The following DNAH5 variants were observed in gnomAD, a reference collection of about 807,000 sequenced individuals.
The protein encoded by DNAH5 is dynein axonemal heavy chain 5.
DNAH5 carries 372 observed loss-of-function variants against 518.2 expected under a neutral mutation model. The ratio of observed to expected loss-of-function variants is 0.72; its 90% CI spans 0.66 to 0.78. The LOEUF (loss-of-function observed/expected upper bound fraction) is 0.78, where lower values mean the gene tolerates loss of function less well. DNAH5 is among the 30% of genes least tolerant of loss of function. The pLI, the probability that DNAH5 is intolerant of heterozygous loss-of-function variation, is 0.00. For missense variants in DNAH5, 5,523 were observed against 5,687.0 expected, an observed-to-expected ratio of 0.97 and a Z score of 0.93; for synonymous variants, 2,039 against 2,025.9, an observed-to-expected ratio of 1.01 and a Z score of -0.17.
chr5:13,931,791 C>CCTTATA (rs1237620893), intron 1 of DNAH5, among the ~76,000 whole-genome samples: 1 of 152,170 alleles, frequency 6.6e-6, no homozygotes, highest in Admixed American at 6.5e-5. Context: ...GCATGTCTTT[C>CCTTATA]CTTATACTGT....
Position 13,770,832 on chromosome 5 carries a change from C to T in DNAH5, c.9522G>A (p.Thr3174=), listed in dbSNP as rs35233147. The T allele has an allele frequency of 4.8e-3, 7,706 of 1,613,966 alleles. 253 individuals are homozygous for T. In the African/African-American group the frequency reaches 0.082, roughly 17 times the overall value. Residue 3174 remains threonine (T), a synonymous_variant, in exon 56 of 79, where the codon ACG becomes ACA. Transcript: ENST00000265104. ...FQRFRRSTHV[T]PKSYLSFIQG... Reference sequence around the variant, plus strand: ...GAATAAAGGAGAGGTATGATTTGGGCGTCACGTGGGTAGAACGTCGGAATC... The same window carrying T: ...GAATAAAGGAGAGGTATGATTTGGGTGTCACGTGGGTAGAACGTCGGAATC...
In DNAH5 at chr5:13,754,217, G is replaced by A; in HGVS notation, c.10541C>T (p.Thr3514Ile). 6.2e-7 allele frequency: 1 copy of A among 1,613,980 alleles called. No homozygotes were observed. Among genetic ancestry groups the A allele is most frequent in the Non-Finnish European group, 8.5e-7 (1 of 1,179,946 alleles). ...AATTTACATACCTACAAGTCTTTTA[G>A]TTTGTGCAGCAAACTCTTGGCTTTG... ...TEQSQEFAAQTKRLVGDVLLA... is the reference protein window; with the variant it reads ...TEQSQEFAAQIKRLVGDVLLA... The change falls in exon 62 of 79, where the codon ACT becomes ATT. Residue 3514 changes from threonine to isoleucine, a missense_variant. This residue lies in a region of DNAH5 where 5,121 missense variants were observed against 5,223.3 expected (regional missense o/e 0.98). Transcript: ENST00000265104.
intron 55 of DNAH5, among the ~76,000 whole-genome samples, chr5:13,772,254 C>T (rs937187832): frequency 1.3e-5 from 2 of 152,114 alleles, no homozygotes; most frequent in African/African-American, 2.4e-5. Flanking sequence ...GGGAAGTGCC[C>T]GCTTTCTGAA....
intron 47 of DNAH5, among the ~76,000 whole-genome samples, chr5:13,795,242 G>T (rs1757646689): frequency 6.6e-6 from 1 of 151,944 alleles, no homozygotes; most frequent in Admixed American, 6.6e-5. Context: ...AAACCCTTCA[G>T]AAATCAATGA....
At chr5:13,863,336 A>T (rs1173475201) in intron 28 of DNAH5, among the ~76,000 whole-genome samples, 1 of 152,108 alleles carries the variant, frequency 6.6e-6, no homozygotes, top group Non-Finnish European at 1.5e-5. Context: ...CCATTTGCCT[A>T]CTGAACTTCC....
Position 13,883,209 on chromosome 5 carries a change from T to C in DNAH5, c.2984-115A>G. ...TAATAGGTATAAAATCTAATAAATA[T>C]TTGTTGAATGAATGAGTCAATTAAA... is the stretch of plus-strand genomic sequence containing the variant. On this transcript the variant is annotated intron_variant, in intron 19 of 78. Transcript: ENST00000265104. The C allele has an allele frequency of 1.6e-5, 18 of 1,120,710 alleles. No homozygotes were observed. The South Asian group carries it at 2.3e-4, about 14-fold the overall frequency. The allele number at this position is 1,120,710 out of a possible 1,614,324, so 69.4% of individuals were successfully genotyped here.
rs1326803832 is a variant in DNAH5 at position 13,866,236 on chromosome 5, C to G, written c.4100G>C (p.Arg1367Thr). ...SGLKPQEASD[R>T]LIMFQNQFDN... Reference sequence around the variant, plus strand: ...AAAGATTACCTGAAACATGATAAGCCTGTCACTGGCTTCCTGGGGCTTCAA... The same window carrying G: ...AAAGATTACCTGAAACATGATAAGCGTGTCACTGGCTTCCTGGGGCTTCAA... The change falls in exon 26 of 79, where the codon AGG becomes ACG. Residue 1367 changes from arginine (R) to threonine (T), a missense_variant. Arg to Thr is a moderately conservative substitution (Grantham distance 71). Coordinates refer to ENST00000265104, the MANE Select transcript of DNAH5 (RefSeq NM_001369.3). The G allele has an allele frequency of 6.2e-7, 1 of 1,613,536 alleles. No homozygotes were observed. Among genetic ancestry groups the G allele is most frequent in the African/African-American group, 1.3e-5 (1 of 74,914 alleles).
intron 76 of DNAH5, among the ~76,000 whole-genome samples, chr5:13,706,785 AG>A (rs1196765380): frequency 6.6e-6 from 1 of 152,232 alleles, no homozygotes; most frequent in Non-Finnish European, 1.5e-5. Flanking sequence ...ACAAGTAACC[AG>A]TGAGCATGCT....
chr5:13,877,752 A>G (rs934526741), intron 21 of DNAH5, among the ~76,000 whole-genome samples: 1 of 152,348 alleles, frequency 6.6e-6, no homozygotes, highest in East Asian at 1.9e-4. Context: ...TGGACCTCAC[A>G]TGTATCACCA....
intron 56 of DNAH5, 130 bp downstream of exon 56, chr5:13,770,619 C>T: frequency 1.2e-6 from 1 of 805,798 alleles, no homozygotes; most frequent in Non-Finnish European, 2.1e-6. Context: ...AGTACCCCTT[C>T]CCTGCCCTGC....
At chr5:13,908,746 A>G (rs1011696308) in intron 12 of DNAH5, among the ~76,000 whole-genome samples, 12 of 152,134 alleles carry the variant, frequency 7.9e-5, no homozygotes, top group African/African-American at 2.9e-4. Flanking sequence ...ACCTGTTAGT[A>G]CCAGCACGAA....
intron 27 of DNAH5, among the ~76,000 whole-genome samples, 189 bp downstream of exon 27, chr5:13,865,478 GC>G (rs775256713): frequency 6.6e-6 from 1 of 152,188 alleles, no homozygotes; most frequent in Non-Finnish European, 1.5e-5. Context: ...GACAGAATGT[GC>G]TTGTCTCATT....
chr5:13,947,227 T>C (rs1211283411), upstream of DNAH5, among the ~76,000 whole-genome samples: 1 of 152,214 alleles, frequency 6.6e-6, no homozygotes, highest in African/African-American at 2.4e-5. Flanking sequence ...TTCTGAATTG[T>C]TACCTTTACG....
chr5:13,845,620 G>A (rs1428937171), intron 31 of DNAH5, among the ~76,000 whole-genome samples: 1 of 152,040 alleles, frequency 6.6e-6, no homozygotes, highest in Non-Finnish European at 1.5e-5. Context: ...TTTGCTTTCT[G>A]TTATGGTCAT....
chr5:13,874,101 G>A lies in DNAH5; in HGVS notation c.3397-2336C>T, dbSNP rs1220102310. Among the ~76,000 whole-genome samples, 12 of 152,282 alleles carry A rather than the reference G, an allele frequency of 7.9e-5. No homozygotes were observed. The South Asian group carries it at 2.5e-3, about 32-fold the overall frequency. ...GATACTTCCCATCCATTAAAATGCA[G>A]AAAGCTAAACCTATCACTGCCTATC... On this transcript the variant is annotated intron_variant, in intron 22 of 78. Coordinates refer to ENST00000265104, the MANE Select transcript of DNAH5 (RefSeq NM_001369.3).
intron 1 of DNAH5, among the ~76,000 whole-genome samples, chr5:13,996,360 C>G (rs180962160): frequency 6.4e-4 from 97 of 152,300 alleles, no homozygotes; most frequent in Non-Finnish European, 1.2e-3. Context: ...TACATTCATT[C>G]CATCCCAATA....
intron 1 of DNAH5, among the ~76,000 whole-genome samples, chr5:13,989,019 A>G (rs987522472): frequency 6.6e-6 from 1 of 151,992 alleles, no homozygotes; most frequent in Non-Finnish European, 1.5e-5. Context: ...AAGCCACCGC[A>G]CCTGGCCCAA....
rs1326900384 is a variant in DNAH5, at chr5:13,752,157, T to C, written c.11005A>G (p.Ile3669Val). 4 of 1,613,870 alleles carry C rather than the reference T, an allele frequency of 2.5e-6. No homozygotes were observed. The highest frequency in any genetic ancestry group is 1.1e-5 in the South Asian group (1 of 91,084). ...ALDNVLERNF[I>V]KTGSTFKVKV... ...ACCTTAAAGGTAGACCCAGTTTTAA[T>C]GAAGTTTCTTTCCAAAACATTATCT... Residue 3669 changes from isoleucine to valine, a missense_variant, in exon 64 of 79, where the codon ATT becomes GTT. Ile to Val is a conservative substitution (Grantham distance 29). Around this residue, in one of 3 missense-constraint regions of DNAH5, gnomAD observed 5,121 missense variants for 5,223.3 expected, o/e 0.98. Coordinates refer to ENST00000265104, the MANE Select transcript of DNAH5 (RefSeq NM_001369.3).
intron 2 of DNAH5, 150 bp from the exon 3 acceptor site, chr5:13,928,328 C>G: frequency 1.6e-6 from 1 of 623,138 alleles, no homozygotes; most frequent in Non-Finnish European, 2.8e-6. Flanking sequence ...AAAAAGGGAG[C>G]ATTTACATCA....
Sources: allele counts gnomAD v4.1 joint callset (sites outside exome capture counted in the v4.1 genomes callset), GRCh38; gene constraint gnomAD v4.1.1; regional missense constraint gnomAD v4.1.1; transcripts MANE v1.5; gene names NCBI Gene and HGNC (gene_info 2026-07-23, HGNC 2026-07-21).